The following MICAL3 variants were observed in gnomAD, a reference collection of about 807,000 sequenced individuals.
The protein encoded by MICAL3 is [F-actin]-monooxygenase MICAL3.
MICAL3 carries 62 observed loss-of-function variants against 207.4 expected under a neutral mutation model. The ratio of observed to expected loss-of-function variants is 0.30; its 90% confidence interval spans 0.24 to 0.37. MICAL3 has a LOEUF of 0.37. MICAL3 is among the 10% of genes least tolerant of loss of function. MICAL3 has a pLI of 1.00. For missense variants in MICAL3, 2,368 were observed against 2,635.6 expected, an observed-to-expected ratio of 0.90 and a Z score of 2.22; for synonymous variants, 1,077 against 1,069.3, an observed-to-expected ratio of 1.01 and a Z score of -0.14.
rs10427958 is a variant in MICAL3 at position 17,883,787 on chromosome 22, C to T, written c.2241+2091G>A. Among the ~76,000 whole-genome samples the T allele has an allele frequency of 5.3e-5, 8 of 152,176 alleles. No homozygotes were observed. The South Asian group carries it at 6.2e-4, about 12-fold the overall frequency. ...AACACCAAGAAAATGTCCAGGAATA[C>T]CTTCATCCAGGATTTAAAACAAACA... On this transcript the variant is annotated intron_variant, in intron 16 of 31. Transcript: ENST00000441493.
chr22:17,819,553 C>A (rs1921316213), intron 25 of MICAL3, among the ~76,000 whole-genome samples: 2 of 152,032 alleles, frequency 1.3e-5, no homozygotes, highest in Admixed American at 1.3e-4. Flanking sequence ...GCATTATGAT[C>A]AAATTGTCCT....
rs939282754 is a variant in MICAL3, at chr22:17,947,280, C to T, written c.-74-40394G>A. On this transcript the variant is annotated intron_variant, in intron 1 of 31. Transcript: ENST00000441493. ...TACACACCCAGAGGACAGTGGGCCC[C>T]CCAGCATGGCCAAACTGCCAATGAG... 6.0e-4 allele frequency among the ~76,000 whole-genome samples: 92 copies of T among 152,346 alleles called. 1 individual carries two copies. The highest frequency in any genetic ancestry group is 3.3e-4 in the Admixed American group (5 of 15,304).
intron 28 of MICAL3, among the ~76,000 whole-genome samples, chr22:17,809,373 T>C (rs900308938): frequency 1.3e-5 from 2 of 152,222 alleles, no homozygotes; most frequent in African/African-American, 2.4e-5. Context: ...CGGTGGCTCA[T>C]CCGTGTAATC....
At chr22:17,819,942 C>CAAAA (rs58418733) in intron 25 of MICAL3, among the ~76,000 whole-genome samples, 36 of 67,656 alleles carry the variant, frequency 5.3e-4, no homozygotes, top group African/African-American at 1.5e-3. Context: ...GACTCCATCT[C>CAAAA]AAAAAAAAAA....
At chr22:17,995,491 A>ATTT (rs138357470) in intron 1 of MICAL3, among the ~76,000 whole-genome samples, 13 of 77,590 alleles carry the variant, frequency 1.7e-4, no homozygotes, top group South Asian at 4.7e-4. Flanking sequence ...CTTTTCTTTA[A>ATTT]TTTTTTTTTT....
intron 3 of MICAL3, among the ~76,000 whole-genome samples, chr22:17,904,052 CA>C (rs1293949222): frequency 2.0e-5 from 3 of 152,198 alleles, no homozygotes; most frequent in Non-Finnish European, 4.4e-5. Context: ...TTAGAGGTGA[CA>C]AAAGAACAGC....
rs1475548505 is a variant in MICAL3, at chr22:17,810,726, G to A, written c.5533C>T (p.Leu1845Phe). The change falls in exon 28 of 32, where the codon CTT becomes TTT. Residue 1845 changes from leucine to phenylalanine, a missense_variant. Physicochemically the swap from Leu to Phe is conservative, Grantham distance 22 (BLOSUM62 0). This residue lies in a region of MICAL3 where 1,770 missense variants were observed against 1,863.2 expected (regional missense o/e 0.95). Coordinates refer to ENST00000441493, the MANE Select transcript of MICAL3 (RefSeq NM_015241.3). Reference sequence around the variant, plus strand: ...ACCTGGGCTCGATGCAGCCGCTTAAGCTCCTCCTGCTTGGCCTGTCTCCGA... The same window carrying A: ...ACCTGGGCTCGATGCAGCCGCTTAAACTCCTCCTGCTTGGCCTGTCTCCGA... ...AARRQAKQEELKRLHRAQIIQ... is the reference protein window; with the variant it reads ...AARRQAKQEEFKRLHRAQIIQ... 6.2e-7 allele frequency: 1 copy of A among 1,613,944 alleles called. No homozygotes were observed.
intron 16 of MICAL3, among the ~76,000 whole-genome samples, chr22:17,877,140 GTTA>G (rs1602121892): frequency 7.5e-6 from 1 of 133,174 alleles, no homozygotes; most frequent in East Asian, 2.2e-4. Flanking sequence ...GGTTAGGGAG[GTTA>G]TGGAGGTTAG....
intron 1 of MICAL3, among the ~76,000 whole-genome samples, chr22:17,977,234 C>A (rs1935699364): frequency 6.6e-6 from 1 of 152,076 alleles, no homozygotes; most frequent in East Asian, 1.9e-4. Context: ...TAAAAGACAC[C>A]ATCCAGAAAG....
chr22:17,961,952 C>T (rs1445273273), intron 1 of MICAL3, among the ~76,000 whole-genome samples: 3 of 152,190 alleles, frequency 2.0e-5, no homozygotes, highest in African/African-American at 4.8e-5. Flanking sequence ...GGTTTCCTTT[C>T]CTAGGCAAAT....
chr22:17,895,414 C>A lies in MICAL3; in HGVS notation c.1323-4G>T. The A allele has an allele frequency of 6.2e-7, 1 of 1,613,490 alleles. No individual in the cohort carries two copies. ...CAGCAACCTGTAAATACTTTCCCTG[C>A]AATAACACAACAATATACTCAGAAT... is the stretch of plus-strand genomic sequence containing the variant. On this transcript the variant is annotated splice_region_variant and splice_polypyrimidine_tract_variant and intron_variant, in intron 9 of 31. Coordinates refer to ENST00000441493, the MANE Select transcript of MICAL3 (RefSeq NM_015241.3).
intron 19 of MICAL3, among the ~76,000 whole-genome samples, chr22:17,847,260 C>T (rs1924730463): frequency 6.6e-6 from 1 of 152,232 alleles, no homozygotes; most frequent in Non-Finnish European, 1.5e-5. Flanking sequence ...CCTCTTCTGC[C>T]TCTTTCTGGC....
chr22:17,820,912 A>ATAAACATAAATTTTAATAAATTTG lies in MICAL3; in HGVS notation c.3531+514_3531+515insCAAATTTATTAAAATTTATGTTTA, dbSNP rs1569079892. Among the ~76,000 whole-genome samples, 47 of 83,130 alleles carry ATAAACATAAATTTTAATAAATTTG rather than the reference A, an allele frequency of 5.7e-4. 1 individual carries two copies. Among genetic ancestry groups the ATAAACATAAATTTTAATAAATTTG allele is most frequent in the Non-Finnish European group, 1.1e-3 (37 of 34,464 alleles). The allele number at this position is 83,130 out of a possible 152,430, so 54.5% of individuals were successfully genotyped here. On this transcript the variant is annotated intron_variant, in intron 25 of 31. Transcript: ENST00000441493. ...TAAACATAAATTTTAATAAATTTAT[A>ATAAACATAAATTTTAATAAATTTG]TTTATAAACATAAATTTTAATAAAT...
chr22:17,811,632 G>A (rs2062049091), intron 27 of MICAL3: 1 of 152,380 alleles, frequency 6.6e-6, no homozygotes. Context: ...AAGGGCTCAA[G>A]GGAGCATCAG....
chr22:17,835,469 C>T (rs1923266673), intron 20 of MICAL3, among the ~76,000 whole-genome samples: 1 of 152,356 alleles, frequency 6.6e-6, no homozygotes, highest in African/African-American at 2.4e-5. Context: ...GGCCCAGGTC[C>T]TGTGCGTCAC....
intron 16 of MICAL3, chr22:17,872,933 G>A: frequency 1.1e-6 from 1 of 950,266 alleles, no homozygotes; most frequent in Non-Finnish European, 1.7e-6. Context: ...GAAGACACGG[G>A]GAAAAAAAGA....
Position 17,798,506 on chromosome 22 carries a change from C to A in MICAL3, c.5651-7205G>T, listed in dbSNP as rs546947461. Reference sequence around the variant, plus strand: ...CATATTTTGAGGCTCCACTTTCCTGCCTCTCTGGGCAGCCACGTGCAGCCC... The same window carrying A: ...CATATTTTGAGGCTCCACTTTCCTGACTCTCTGGGCAGCCACGTGCAGCCC... On this transcript the variant is annotated intron_variant, in intron 29 of 31. Coordinates refer to ENST00000441493, the MANE Select transcript of MICAL3 (RefSeq NM_015241.3). Among the ~76,000 whole-genome samples, 380 of 152,286 alleles carry A rather than the reference C, an allele frequency of 2.5e-3. 2 individuals carry two copies. Among genetic ancestry groups the A allele is most frequent in the Non-Finnish European group, 3.8e-3 (257 of 68,012 alleles).
intron 2 of MICAL3, among the ~76,000 whole-genome samples, chr22:17,906,086 T>G (rs1182261376): frequency 6.6e-6 from 1 of 152,230 alleles, no homozygotes; most frequent in Non-Finnish European, 1.5e-5. Flanking sequence ...CTTGGCTATG[T>G]CCCTGCTAAG....
At chr22:17,893,967 T>C in intron 10 of MICAL3, 63 bp from the exon 11 acceptor site, 1 of 1,249,722 alleles carries the variant, frequency 8.0e-7, no homozygotes, top group South Asian at 1.3e-5. Context: ...AATTCCTACC[T>C]AAGAGCAGAA....
Sources: gnomAD v4.1 joint callset for allele counts (sites outside exome capture counted in the v4.1 genomes callset) on GRCh38, gnomAD v4.1.1 for gene constraint, gnomAD v4.1.1 regional missense constraint, MANE v1.5 for transcripts, NCBI Gene and HGNC (gene_info 2026-07-23, HGNC 2026-07-21) for gene names.